ATG12: variants seen among roughly 807,000 people sequenced by gnomAD.
ATG12 encodes ubiquitin-like protein ATG12.
ATG12 carries 19 observed loss-of-function variants against 17.6 expected under a neutral mutation model. The ratio of observed to expected loss-of-function variants is 1.08; its 90% CI spans 0.75 to 1.58. The LOEUF (loss-of-function observed/expected upper bound fraction) is 1.58. ATG12 is among the 40% of genes most tolerant of loss of function. ATG12 has a pLI of 0.00. For synonymous variants in ATG12, 75 were observed against 62.4 expected, an observed-to-expected ratio of 1.20 and a Z score of -0.95; for missense variants, 214 against 162.0, an observed-to-expected ratio of 1.32 and a Z score of -1.74.
At chr5:115,837,866 C>T in intron 1 of ATG12, 102 bp from the exon 2 acceptor site, 1 of 966,276 alleles carries the variant, frequency 1.0e-6, no homozygotes. Flanking sequence ...CTACATCCAT[C>T]TTACGTATTT....
chr5:115,839,718 C>A (rs1459158111), intron 1 of ATG12, among the ~76,000 whole-genome samples: 3 of 152,226 alleles, frequency 2.0e-5, no homozygotes, highest in African/African-American at 7.2e-5. Flanking sequence ...AAACCTTGGT[C>A]TGTTTCAACA....
chr5:115,837,561 G>A lies in ATG12; in HGVS notation c.300+67C>T, dbSNP rs1580571206. 4 of 1,535,508 alleles carry A rather than the reference G, an allele frequency of 2.6e-6. No individual in the cohort carries two copies. The South Asian group carries it at 4.6e-5, about 18-fold the overall frequency. The stretch of plus-strand genomic sequence containing the variant: ...TCCATATGCATTTCTATAAACAACA[G>A]TTAATTCACTGTTGCCTAGGAACTA... On this transcript the variant is annotated intron_variant, in intron 2 of 3. Coordinates refer to ENST00000509910, the MANE Select transcript of ATG12 (RefSeq NM_004707.4).
chr5:115,837,724 C>T lies in ATG12; in HGVS notation c.204G>A (p.Met68Ile). 1.9e-6 allele frequency: 3 copies of T among 1,612,594 alleles called. No individual in the cohort carries two copies. The South Asian group carries it at 3.3e-5, about 18-fold the overall frequency. The change falls in exon 2 of 4, where the codon ATG (methionine) becomes ATA (isoleucine). Residue 68 changes from methionine to isoleucine, a missense_variant. Transcript: ENST00000509910. ...GCTCTACTGCCCACTTCTTTGTTTT[C>T]ATAATAGGAGTGTCTCCCACAGCCT... Reference protein sequence around the residue: ...LLKAVGDTPIMKTKKWAVERT... With the variant: ...LLKAVGDTPIIKTKKWAVERT...
intron 1 of ATG12, 104 bp from the exon 2 acceptor site, chr5:115,837,868 T>TA (rs1761170850): frequency 4.2e-6 from 4 of 944,322 alleles, no homozygotes; most frequent in East Asian, 3.0e-5. Context: ...ACATCCATCT[T>TA]ACGTATTTAT....
intron 1 of ATG12, chr5:115,840,580 G>C (rs1254915528): frequency 3.1e-6 from 4 of 1,278,294 alleles, no homozygotes; most frequent in African/African-American, 1.5e-5. Flanking sequence ...TTACAGGAGT[G>C]AGCCACCGCG....
At position 115,828,421 on chromosome 5, in the gene ATG12, T is replaced by G. The variant is rs949340862; in HGVS notation, c.*3383A>C. On this transcript the variant is annotated 3_prime_UTR_variant, in exon 4 of 4. Coordinates refer to ENST00000509910, the MANE Select transcript of ATG12 (RefSeq NM_004707.4). ...AACTCTGCTAATAGCAAGATGTACATTATTTTTATTGTCAGTCAGCATTGT... is the reference window on the plus strand; with the variant it reads ...AACTCTGCTAATAGCAAGATGTACAGTATTTTTATTGTCAGTCAGCATTGT... The G allele has an allele frequency of 7.2e-5, 11 of 152,242 alleles. No individual in the cohort carries two copies. Among genetic ancestry groups the G allele is most frequent in the African/African-American group, 2.7e-4 (11 of 41,472 alleles). 9.4% of individuals were successfully genotyped at this position (152,242 alleles called of 1,614,324 possible).
At chr5:115,835,677 CCTTA>C (rs1278470477) in intron 2 of ATG12, among the ~76,000 whole-genome samples, 3 of 152,132 alleles carry the variant, frequency 2.0e-5, no homozygotes, top group African/African-American at 7.2e-5. Context: ...GGGCAAAACT[CCTTA>C]GTCAGCTTCT....
chr5:115,836,158 G>A (rs76011164), intron 2 of ATG12, among the ~76,000 whole-genome samples: 2,775 of 152,116 alleles, frequency 0.018, 86 homozygotes, highest in African/African-American at 0.061. Flanking sequence ...TCACTACAGA[G>A]GATTTAATTT....
chr5:115,837,503 A>AG (rs1761154924), intron 2 of ATG12, 125 bp downstream of exon 2: 16 of 997,368 alleles, frequency 1.6e-5, no homozygotes, highest in Non-Finnish European at 2.0e-5. Flanking sequence ...AAATAAAGGG[A>AG]TAAAAGGGCA....
At chr5:115,839,257 GC>G (rs1386951911) in intron 1 of ATG12, 1 of 151,986 alleles carries the variant, frequency 6.6e-6, no homozygotes, top group African/African-American at 2.4e-5. Context: ...AAATATTGGG[GC>G]CAAAAGATCA....
At chr5:115,838,735 T>C (rs1319804869) in intron 1 of ATG12, 2 of 152,216 alleles carry the variant, frequency 1.3e-5, no homozygotes, top group African/African-American at 4.8e-5. Context: ...AACACAGATA[T>C]GCAAACCCAA....
chr5:115,839,373 T>C (rs1761235107), intron 1 of ATG12: 1 of 152,154 alleles, frequency 6.6e-6, no homozygotes. Context: ...CCAGTTATCT[T>C]AGGAATAGGA....
At chr5:115,833,372 C>T (rs1340830317) in intron 2 of ATG12, 1 of 151,626 alleles carries the variant, frequency 6.6e-6, no homozygotes, top group Non-Finnish European at 1.5e-5. Context: ...CTGGATTAAA[C>T]TTAGTATTTA....
At chr5:115,839,570 A>C (rs1303999477) in intron 1 of ATG12, 1 of 152,228 alleles carries the variant, frequency 6.6e-6, no homozygotes, top group African/African-American at 2.4e-5. Context: ...AAACCAGAGA[A>C]GGAAAATAAT....
chr5:115,835,399 A>C (rs1217022977), intron 2 of ATG12, among the ~76,000 whole-genome samples: 1 of 152,122 alleles, frequency 6.6e-6, no homozygotes, highest in Non-Finnish European at 1.5e-5. Flanking sequence ...AGTTTTTCTA[A>C]CTTCACAGAG....
intron 1 of ATG12, chr5:115,839,400 C>G (rs190669920): frequency 6.6e-5 from 10 of 152,252 alleles, no homozygotes; most frequent in African/African-American, 2.2e-4. Flanking sequence ...TTGGAGATAA[C>G]GTGGGATTTT....
chr5:115,833,825 G>C (rs139235689), intron 2 of ATG12: 1 of 152,252 alleles, frequency 6.6e-6, no homozygotes, highest in African/African-American at 2.4e-5. Context: ...TTCAGTGCCT[G>C]ACAATTTATG....
At chr5:115,834,808 G>C (rs1761023285) in intron 2 of ATG12, 1 of 152,138 alleles carries the variant, frequency 6.6e-6, no homozygotes, top group African/African-American at 2.4e-5. Context: ...ATTTCCAAAT[G>C]ATTTCAAGTC....
chr5:115,838,887 A>C (rs554933350), intron 1 of ATG12: 13 of 152,306 alleles, frequency 8.5e-5, no homozygotes, highest in African/African-American at 2.9e-4. Flanking sequence ...TCAGGAGTTC[A>C]AGAGGGCCCA....
Sources: allele counts gnomAD v4.1 joint callset (sites outside exome capture counted in the v4.1 genomes callset), GRCh38; gene constraint gnomAD v4.1.1; transcripts MANE v1.5; gene names NCBI Gene and HGNC (gene_info 2026-07-23, HGNC 2026-07-21).